WIZ: variants seen among roughly 807,000 people sequenced by gnomAD.
WIZ encodes the protein WIZ zinc finger.
A neutral mutation model predicts 140.2 loss-of-function variants in WIZ; 25 were observed. The observed-to-expected ratio is 0.18, with a 90% confidence interval of 0.13 to 0.25. The LOEUF is 0.25. Ranked by LOEUF, WIZ falls within the 10% of genes least tolerant of loss-of-function variation. WIZ has a pLI of 1.00. For synonymous variants in WIZ, 1,125 were observed against 1,154.3 expected, an observed-to-expected ratio of 0.97 and a Z score of 0.51; for missense variants, 2,231 against 2,632.6, an observed-to-expected ratio of 0.85 and a Z score of 3.34.
At position 15,424,423 on chromosome 19, in the gene WIZ, C is replaced by G; in HGVS notation, c.5315-45G>C. 6.3e-7 allele frequency: 1 copy of G among 1,581,204 alleles called. No homozygotes were observed. The highest frequency in any genetic ancestry group is 2.3e-5 in the East Asian group (1 of 43,876). ...GGGAGATGAGTGGGAGGGGTGGATG[C>G]TGCAGAGACTTGGAATACACAAGAG... On this transcript the variant is annotated intron_variant, in intron 11 of 12. Coordinates refer to ENST00000673675, the MANE Select transcript of WIZ (RefSeq NM_001371589.1). The surrounding 1 kb of genome is among the most constrained non-coding windows in gnomAD (Gnocchi z 9.7).
chr19:15,442,919 T>G lies in WIZ; in HGVS notation c.206-171A>C, dbSNP rs1440691733. On this transcript the variant is annotated intron_variant, in intron 2 of 12. Coordinates refer to ENST00000673675, the MANE Select transcript of WIZ (RefSeq NM_001371589.1). This position sits in a 1 kb window ranked among gnomAD's most constrained non-coding sequence, Gnocchi z 5.5. ...GTCCTGAGCCCTGAAAGGGGTTTCT[T>G]TGGAAGAGTCCCCTTGGCTCTCCTG... Among the ~76,000 whole-genome samples, 2 of 152,076 alleles carry G rather than the reference T, an allele frequency of 1.3e-5. No homozygotes were observed. Among genetic ancestry groups the G allele is most frequent in the African/African-American group, 4.8e-5 (2 of 41,414 alleles).
At chr19:15,430,871 T>C in intron 6 of WIZ, 141 bp downstream of exon 6, 1 of 1,062,592 alleles carries the variant, frequency 9.4e-7, no homozygotes, top group South Asian at 1.7e-5. Context: ...GACAGCTGAG[T>C]GCCAACCTTG....
At position 15,428,403 on chromosome 19, in the gene WIZ, A is replaced by C; in HGVS notation, c.3521T>G (p.Leu1174Arg). 1 of 1,535,578 alleles carries C rather than the reference A, an allele frequency of 6.5e-7. No homozygotes were observed. Among genetic ancestry groups the C allele is most frequent in the Non-Finnish European group, 8.7e-7 (1 of 1,146,758 alleles). The change falls in exon 8 of 13, where the codon CTG becomes CGG. Residue 1174 changes from leucine to arginine, a missense_variant. Physicochemically the swap from Leu to Arg is moderately radical, Grantham distance 102. Coordinates refer to ENST00000673675, the MANE Select transcript of WIZ (RefSeq NM_001371589.1). The surrounding 1 kb of genome is among the most constrained non-coding windows in gnomAD (Gnocchi z 6.4). ...CTTGGCGTCCGGATCGCTGACGCCC[A>C]GGTGGCGCAGGTGGGCACGGGCGTG... Reference protein sequence around the residue: ...SSHARAHLRHLGVSDPDAKGS... With the variant: ...SSHARAHLRHRGVSDPDAKGS...
Position 15,427,111 on chromosome 19 carries a change from T to C in WIZ, c.4237A>G (p.Lys1413Glu). The change falls in exon 9 of 13, where the codon AAG becomes GAG. Residue 1413 changes from lysine to glutamate, a missense_variant. Lys to Glu is a moderately conservative substitution (Grantham distance 56). This residue lies in a region of WIZ where 393 missense variants were observed against 451.7 expected (regional missense o/e 0.87). Coordinates refer to ENST00000673675, the MANE Select transcript of WIZ (RefSeq NM_001371589.1). The surrounding 1 kb of genome is among the most constrained non-coding windows in gnomAD (Gnocchi z 6.4). ...PGLAAPSLPK[K>E]LKPEQIRVEI... is the part of the protein sequence containing the mutation. Reference sequence around the variant, plus strand: ...ACCCGTATTTGTTCAGGCTTCAGCTTCTTGGGCAAGGAGGGTGCAGCCAGG... The same window carrying C: ...ACCCGTATTTGTTCAGGCTTCAGCTCCTTGGGCAAGGAGGGTGCAGCCAGG... The C allele has an allele frequency of 5.6e-6, 9 of 1,614,190 alleles. No homozygotes were observed. Among genetic ancestry groups the C allele is most frequent in the Non-Finnish European group, 7.6e-6 (9 of 1,180,024 alleles).
chr19:15,428,053 C>T lies in WIZ; in HGVS notation c.3814+57G>A, dbSNP rs537198279. The T allele has an allele frequency of 3.3e-6, 5 of 1,517,790 alleles. No individual in the cohort carries two copies. Among genetic ancestry groups the T allele is most frequent in the Non-Finnish European group, 4.4e-6 (5 of 1,139,834 alleles). The allele number at this position is 1,517,790 out of a possible 1,614,324, so 94.0% of individuals were successfully genotyped here. ...GCAGGGAGGGGGCTGTGACCCCCCC[C>T]CCGGGAGGGGCTCCAGGGCCCGCAG... On this transcript the variant is annotated intron_variant, in intron 8 of 12. Coordinates refer to ENST00000673675, the MANE Select transcript of WIZ (RefSeq NM_001371589.1). This position sits in a 1 kb window ranked among gnomAD's most constrained non-coding sequence, Gnocchi z 6.4.
rs1384307237 is a variant in WIZ, at chr19:15,439,983, G to A, written c.1011C>T (p.His337=). 1.6e-5 allele frequency: 24 copies of A among 1,535,710 alleles called. No homozygotes were observed. The Admixed American group carries it at 1.8e-4, about 11-fold the overall frequency. ...GGGGCTCCTGGCCCGGGGCTCGGCG[G>A]TGCTGGCTCATGTGCTCCAGGAGGT... The part of the protein sequence containing the change: ...KEHLLEHMSQ[H]RRAPGQEPPA... The change falls in exon 4 of 13, where the codon CAC becomes CAT. Residue 337 remains histidine, a synonymous_variant. Coordinates refer to ENST00000673675, the MANE Select transcript of WIZ (RefSeq NM_001371589.1). This position sits in a 1 kb window ranked among gnomAD's most constrained non-coding sequence, Gnocchi z 7.0.
chr19:15,436,932 T>C lies in WIZ; in HGVS notation c.2614A>G (p.Ser872Gly), dbSNP rs1327121827. 1.9e-6 allele frequency: 3 copies of C among 1,613,332 alleles called. No individual in the cohort carries two copies. Among genetic ancestry groups the C allele is most frequent in the South Asian group, 2.2e-5 (2 of 91,004 alleles). Residue 872 changes from serine to glycine, a missense_variant, in exon 5 of 13, where the codon AGC becomes GGC. Ser to Gly is a moderately conservative substitution (Grantham distance 56). Coordinates refer to ENST00000673675, the MANE Select transcript of WIZ (RefSeq NM_001371589.1). The part of the protein sequence containing the change: ...LATSAAEQPP[S>G]PLGREPGGPP... ...CCCCCAGGCTCTCGGCCCAGGGGGC[T>C]GGGGGGCTGCTCAGCAGCAGAGGTG...
intron 3 of WIZ, among the ~76,000 whole-genome samples, chr19:15,441,621 T>C (rs1969748690): frequency 6.6e-6 from 1 of 152,080 alleles, no homozygotes; most frequent in Non-Finnish European, 1.5e-5. Context: ...GGTTCTCCCT[T>C]CCTTTTCAAG....
chr19:15,440,560 T>C lies in WIZ; in HGVS notation c.434A>G (p.Asp145Gly), dbSNP rs1470189812. The C allele has an allele frequency of 6.5e-7, 1 of 1,535,938 alleles. No homozygotes were observed. Among genetic ancestry groups the C allele is most frequent in the Non-Finnish European group, 8.7e-7 (1 of 1,146,890 alleles). ...EGILSERRFEDSVIVRTMKPH... is the reference protein window; with the variant it reads ...EGILSERRFEGSVIVRTMKPH... ...TTTCATGGTTCTCACAATGACTGAG[T>C]CCTCGAATCTCCGCTCAGATAGGAT... The change falls in exon 4 of 13, where the codon GAC becomes GGC. Residue 145 changes from aspartate (D) to glycine (G), a missense_variant. Asp to Gly is a moderately conservative substitution (Grantham distance 94). Around this residue, in one of 15 missense-constraint regions of WIZ, gnomAD observed 307 missense variants for 294.1 expected, o/e 1.04. Transcript: ENST00000673675. This position sits in a 1 kb window ranked among gnomAD's most constrained non-coding sequence, Gnocchi z 6.2.
Position 15,440,151 on chromosome 19 carries a change from C to T in WIZ, c.843G>A (p.Leu281=). The T allele has an allele frequency of 3.3e-6, 5 of 1,532,378 alleles. No individual in the cohort carries two copies. The highest frequency in any genetic ancestry group is 4.4e-6 in the Non-Finnish European group (5 of 1,145,182). 94.9% of individuals were successfully genotyped at this position (1,532,378 alleles called of 1,614,324 possible). Residue 281 remains leucine, a synonymous_variant, in exon 4 of 13, where the codon CTG becomes CTA. Transcript: ENST00000673675. This position sits in a 1 kb window ranked among gnomAD's most constrained non-coding sequence, Gnocchi z 6.2. ...GGTAGGGCCCGGTCCGGATCGGGGG[C>T]AGTAGCGGCTGCAGCCGCTCCACAG... ...EASVERLQPL[L]PPIRTGPYLC...
Position 15,427,050 on chromosome 19 carries a change from T to C in WIZ, c.4298A>G (p.His1433Arg), listed in dbSNP as rs774066872. ...ACCCTCAGATGGGTGCAGTTCCCCA[T>C]GAAGGGCCCCCGGCAGCATCTCCCG... Reference protein sequence around the residue: ...IKREMLPGALHGELHPSEGPW... With the variant: ...IKREMLPGALRGELHPSEGPW... The change falls in exon 9 of 13, where the codon CAT becomes CGT. Residue 1433 changes from histidine (H) to arginine (R), a missense_variant. His to Arg is a conservative substitution (Grantham distance 29). This residue lies in a region of WIZ where 393 missense variants were observed against 451.7 expected (regional missense o/e 0.87). Coordinates refer to ENST00000673675, the MANE Select transcript of WIZ (RefSeq NM_001371589.1). This position sits in a 1 kb window ranked among gnomAD's most constrained non-coding sequence, Gnocchi z 6.4. 2.5e-6 allele frequency: 4 copies of C among 1,614,196 alleles called. No homozygotes were observed. Among genetic ancestry groups the C allele is most frequent in the Non-Finnish European group, 3.4e-6 (4 of 1,180,020 alleles).
chr19:15,433,138 C>G, intron 5 of WIZ: 1 of 664,338 alleles, frequency 1.5e-6, no homozygotes, highest in Non-Finnish European at 1.9e-6. Flanking sequence ...AAGTCTCCAT[C>G]TCCGAGTCGG....
chr19:15,443,263 C>T (rs757421867), intron 2 of WIZ, among the ~76,000 whole-genome samples: 28 of 152,152 alleles, frequency 1.8e-4, no homozygotes, highest in Non-Finnish European at 3.7e-4. Context: ...GTAGTGACGG[C>T]GTTTCGCCAT....
At position 15,420,022 on chromosome 19, in the gene WIZ, T is replaced by C. The variant is rs757830893; in HGVS notation, c.*3054A>G. The C allele has an allele frequency of 2.0e-5, 3 of 152,284 alleles. No individual in the cohort carries two copies. Among genetic ancestry groups the C allele is most frequent in the Non-Finnish European group, 4.4e-5 (3 of 68,058 alleles). The allele number at this position is 152,284 out of a possible 1,614,324, so 9.4% of individuals were successfully genotyped here. On this transcript the variant is annotated 3_prime_UTR_variant, in exon 13 of 13. Transcript: ENST00000673675. ...TAAGGTATGCTGTTTCTTTTTGATA[T>C]TGTTGATTTCTTTAGGTGTAATAGT...
Position 15,420,716 on chromosome 19 carries a change from A to AC in WIZ, c.*2359dup, listed in dbSNP as rs1469892783. ...GGTGACTCTTCCAAGGACACACATG[A>AC]CCCTCACTTCACTGCATGATTGGTG... On this transcript the variant is annotated 3_prime_UTR_variant, in exon 13 of 13. Coordinates refer to ENST00000673675, the MANE Select transcript of WIZ (RefSeq NM_001371589.1). 1.3e-5 allele frequency: 2 copies of AC among 152,272 alleles called. No homozygotes were observed. The highest frequency in any genetic ancestry group is 4.8e-5 in the African/African-American group (2 of 41,532). 9.4% of individuals were successfully genotyped at this position (152,272 alleles called of 1,614,324 possible). A position where few individuals can be genotyped will look rare whatever the true frequency, so the allele number is the denominator to read the frequency against.
At position 15,439,859 on chromosome 19, in the gene WIZ, C is replaced by T. The variant is rs1334457396; in HGVS notation, c.1135G>A (p.Glu379Lys). Residue 379 changes from glutamate (E) to lysine (K), a missense_variant, in exon 4 of 13, where the codon GAG becomes AAG. By Grantham distance (56) the Glu-to-Lys change is moderately conservative. This residue lies in a region of WIZ where 475 missense variants were observed against 520.2 expected (regional missense o/e 0.91). Coordinates refer to ENST00000673675, the MANE Select transcript of WIZ (RefSeq NM_001371589.1). This position sits in a 1 kb window ranked among gnomAD's most constrained non-coding sequence, Gnocchi z 7.0. ...TTTTGGATCTCCTCAATGATCTTCT[C>T]CCGGGAGGCCTGATGCAGCTGCCGG... ...QHRQLHQASR[E>K]KIIEEIQKLK... is the part of the protein sequence containing the mutation. 1 of 1,528,814 alleles carries T rather than the reference C, an allele frequency of 6.5e-7. No individual in the cohort carries two copies. Among genetic ancestry groups the T allele is most frequent in the Non-Finnish European group, 8.7e-7 (1 of 1,143,156 alleles). The allele number at this position is 1,528,814 out of a possible 1,614,324, so 94.7% of individuals were successfully genotyped here.
chr19:15,448,245 C>T lies in WIZ; in HGVS notation c.63G>A (p.Leu21=). 6.2e-7 allele frequency: 1 copy of T among 1,613,582 alleles called. No individual in the cohort carries two copies. Among genetic ancestry groups the T allele is most frequent in the Non-Finnish European group, 8.5e-7 (1 of 1,179,836 alleles). Residue 21 remains leucine (L), a synonymous_variant, in exon 2 of 13, where the codon CTG becomes CTA. Coordinates refer to ENST00000673675, the MANE Select transcript of WIZ (RefSeq NM_001371589.1). ...APDRPQGPER[L]PGPAPRENIE... ...TGTTCTCCCTTGGCGCCGGGCCAGG[C>T]AGTCTCTCTGGGCCTTGGGGACGAT...
intron 5 of WIZ, among the ~76,000 whole-genome samples, chr19:15,435,730 G>A (rs1223646850): frequency 6.6e-6 from 1 of 152,146 alleles, no homozygotes. Context: ...CTACTCAGCA[G>A]GAGAATCGCT....
rs933857838 is a variant in WIZ, at chr19:15,440,146, G to A, written c.848C>T (p.Pro283Leu). ...SVERLQPLLP[P>L]IRTGPYLCEL... ...ACACAGGTAGGGCCCGGTCCGGATC[G>A]GGGGCAGTAGCGGCTGCAGCCGCTC... Residue 283 changes from proline (P) to leucine (L), a missense_variant, in exon 4 of 13, where the codon CCG becomes CTG. Around this residue, in one of 15 missense-constraint regions of WIZ, gnomAD observed 307 missense variants for 294.1 expected, o/e 1.04. Coordinates refer to ENST00000673675, the MANE Select transcript of WIZ (RefSeq NM_001371589.1). This position sits in a 1 kb window ranked among gnomAD's most constrained non-coding sequence, Gnocchi z 6.2. 5 of 1,532,404 alleles carry A rather than the reference G, an allele frequency of 3.3e-6. No homozygotes were observed. The highest frequency in any genetic ancestry group is 4.9e-5 in the East Asian group (2 of 40,876). 94.9% of individuals were successfully genotyped at this position (1,532,404 alleles called of 1,614,324 possible). A position where few individuals can be genotyped will look rare whatever the true frequency, so the allele number is the denominator to read the frequency against.
Sources: allele counts gnomAD v4.1 joint callset (sites outside exome capture counted in the v4.1 genomes callset), GRCh38; gene constraint gnomAD v4.1.1; regional missense constraint gnomAD v4.1.1; non-coding constraint Gnocchi (gnomAD v3.1); transcripts MANE v1.5; gene names NCBI Gene and HGNC (gene_info 2026-07-23, HGNC 2026-07-21).